Variants in IGLL5 observed in about 807,000 individuals in gnomAD.
IGLL5 encodes the protein immunoglobulin lambda like polypeptide 5.
In IGLL5, 30 loss-of-function variants were observed where a neutral mutation model predicts 20.9. The ratio of observed to expected loss-of-function variants is 1.44; its 90% CI spans 1.07 to 1.95. The LOEUF is 1.95. Ranked by LOEUF, IGLL5 falls within the 30% of genes most tolerant of loss-of-function variation. The pLI is 0.00. For missense variants in IGLL5, 475 were observed against 270.7 expected (o/e 1.75, Z -5.30); for synonymous variants, 203 against 117.3 (o/e 1.73, Z -4.72).
At position 22,895,890 on chromosome 22, in the gene IGLL5, C is replaced by A; in HGVS notation, c.*196C>A. On this transcript the variant is annotated 3_prime_UTR_variant, in exon 3 of 3. Transcript: ENST00000526893. Reference sequence around the variant, plus strand: ...AAATTGCTAGCCTCCCCGGGGTTCTCAGTGTGGGGTACAGGGAATTCTGCA... The same window carrying A: ...AAATTGCTAGCCTCCCCGGGGTTCTAAGTGTGGGGTACAGGGAATTCTGCA... 1 of 647,276 alleles carries A rather than the reference C, an allele frequency of 1.5e-6. No homozygotes were observed. 40.1% of individuals were successfully genotyped at this position (647,276 alleles called of 1,614,324 possible).
At position 22,887,898 on chromosome 22, in the gene IGLL5, G is replaced by A. The variant is rs192654179; in HGVS notation, c.-156G>A. The A allele has an allele frequency of 7.2e-6, 5 of 698,664 alleles. No homozygotes were observed. The highest frequency in any genetic ancestry group is 3.5e-5 in the African/African-American group (2 of 56,806). 43.3% of individuals were successfully genotyped at this position (698,664 alleles called of 1,614,324 possible). A position where few individuals can be genotyped will look rare whatever the true frequency, so the allele number is the denominator to read the frequency against. ...AGCCATGGACCCTGGAAGGGCCTGG[G>A]CTAGGGACAGGGACCAGAGCCAGTC... On this transcript the variant is annotated 5_prime_UTR_variant, in exon 1 of 3. Coordinates refer to ENST00000526893, the MANE Select transcript of IGLL5 (RefSeq NM_001178126.2).
chr22:22,888,773 C>T (rs2067644916), intron 1 of IGLL5, among the ~76,000 whole-genome samples: 1 of 151,280 alleles, frequency 6.6e-6, no homozygotes, highest in East Asian at 2.0e-4. Context: ...GGGCCAGGCT[C>T]AAGGACACAG....
Position 22,895,519 on chromosome 22 carries a change from T to A in IGLL5, c.470T>A (p.Val157Asp). 6.2e-7 allele frequency: 1 copy of A among 1,612,694 alleles called. No individual in the cohort carries two copies. Among genetic ancestry groups the A allele is most frequent in the Non-Finnish European group, 8.5e-7 (1 of 1,179,620 alleles). ...GCCTGGAAGGCAGATGGCAGCCCCG[T>A]CAAGGCGGGAGTGGAGACCACCAAA... ...TVAWKADGSP[V>D]KAGVETTKPS... Residue 157 changes from valine (V) to aspartate (D), a missense_variant, in exon 3 of 3, where the codon GTC becomes GAC. Coordinates refer to ENST00000526893, the MANE Select transcript of IGLL5 (RefSeq NM_001178126.2).
chr22:22,889,351 A>T (rs1159228719), intron 1 of IGLL5, among the ~76,000 whole-genome samples: 2 of 151,188 alleles, frequency 1.3e-5, no homozygotes, highest in African/African-American at 2.4e-5. Flanking sequence ...GGGCATTAAA[A>T]ATGTATAACC....
intron 1 of IGLL5, among the ~76,000 whole-genome samples, chr22:22,890,243 A>T (rs2146005393): frequency 6.7e-6 from 1 of 149,122 alleles, no homozygotes; most frequent in South Asian, 2.2e-4. Context: ...ACCTCTTCCC[A>T]GAGATAGCCA....
chr22:22,889,220 T>A (rs577378286), intron 1 of IGLL5, among the ~76,000 whole-genome samples: 1 of 150,694 alleles, frequency 6.6e-6, no homozygotes, highest in Non-Finnish European at 1.5e-5. Context: ...AGCCGTGCCT[T>A]GGGGATGGGG....
Position 22,895,858 on chromosome 22 carries a change from C to A in IGLL5, c.*164C>A. ...AATCTTGTTTTATCTCATTTTTTTT[C>A]TCACATAAATTGCTAGCCTCCCCGG... On this transcript the variant is annotated 3_prime_UTR_variant, in exon 3 of 3. Coordinates refer to ENST00000526893, the MANE Select transcript of IGLL5 (RefSeq NM_001178126.2). 1.3e-6 allele frequency: 1 copy of A among 751,120 alleles called. No homozygotes were observed. The highest frequency in any genetic ancestry group is 2.2e-6 in the Non-Finnish European group (1 of 446,636). The allele number at this position is 751,120 out of a possible 1,614,324, so 46.5% of individuals were successfully genotyped here.
intron 2 of IGLL5, 55 bp downstream of exon 2, chr22:22,893,873 A>C (rs906496202): frequency 6.5e-6 from 8 of 1,237,450 alleles, no homozygotes; most frequent in East Asian, 2.3e-5. Flanking sequence ...TCCCTGGAAA[A>C]TCTGTTTTCT....
rs752426551 is a variant in IGLL5, at chr22:22,895,607, G to A, written c.558G>A (p.Gln186=). Residue 186 remains glutamine (Q), a synonymous_variant, in exon 3 of 3, where the codon CAG becomes CAA. Transcript: ENST00000526893. ...ASSYLSLTPE[Q]WKSHRSYSCQ... ...GCTACCTGAGCCTGACGCCCGAGCAGTGGAAGTCCCACAGAAGCTACAGCT... is the reference window on the plus strand; with the variant it reads ...GCTACCTGAGCCTGACGCCCGAGCAATGGAAGTCCCACAGAAGCTACAGCT... 1 of 1,613,352 alleles carries A rather than the reference G, an allele frequency of 6.2e-7. No individual in the cohort carries two copies. Among genetic ancestry groups the A allele is most frequent in the Non-Finnish European group, 8.5e-7 (1 of 1,179,782 alleles).
chr22:22,894,806 T>TAGGTGG, intron 2 of IGLL5, among the ~76,000 whole-genome samples: 1 of 151,276 alleles, frequency 6.6e-6, no homozygotes, highest in East Asian at 2.0e-4. Flanking sequence ...GAGGCTTGTC[T>TAGGTGG]AGGTGGAGCC....
intron 2 of IGLL5, among the ~76,000 whole-genome samples, chr22:22,894,584 A>C (rs2066670860): frequency 6.6e-6 from 1 of 151,262 alleles, no homozygotes; most frequent in Admixed American, 6.6e-5. Flanking sequence ...GGCATGTTAG[A>C]CTCAGGAAAT....
intron 1 of IGLL5, among the ~76,000 whole-genome samples, chr22:22,888,793 G>C (rs550381358): frequency 2.6e-5 from 4 of 151,420 alleles, no homozygotes; most frequent in East Asian, 2.0e-4. Context: ...GGGAGGGTGG[G>C]ATGAACCGAG....
At chr22:22,894,219 A>T (rs1287590541) in intron 2 of IGLL5, among the ~76,000 whole-genome samples, 3 of 147,684 alleles carry the variant, frequency 2.0e-5, no homozygotes, top group South Asian at 2.2e-4. Context: ...CTCATAGTCT[A>T]GGGGAGCAGC....
In IGLL5 at chr22:22,888,448, A is replaced by G. The variant is rs181183757; in HGVS notation, c.206+189A>G. On this transcript the variant is annotated intron_variant, in intron 1 of 2. Coordinates refer to ENST00000526893, the MANE Select transcript of IGLL5 (RefSeq NM_001178126.2). ...ATTTGTTTGAATTACTGTTTTTAAT[A>G]TCATATTACGATATTATTTTTCTTG... 7.9e-5 allele frequency among the ~76,000 whole-genome samples: 12 copies of G among 151,380 alleles called. 1 individual carries two copies. The highest frequency in any genetic ancestry group is 6.1e-4 in the East Asian group (3 of 4,956).
chr22:22,893,790 CG>C lies in IGLL5; in HGVS notation c.299del (p.Gly100GlufsTer9). The C allele has an allele frequency of 6.2e-7, 1 of 1,612,122 alleles. No individual in the cohort carries two copies. Among genetic ancestry groups the C allele is most frequent in the Non-Finnish European group, 8.5e-7 (1 of 1,179,030 alleles). On this transcript the variant is annotated frameshift_variant, in exon 2 of 3. Coordinates refer to ENST00000526893, the MANE Select transcript of IGLL5 (RefSeq NM_001178126.2). LOFTEE classifies it high-confidence loss of function. The part of the protein sequence containing the change: ...SEPQSLCYVF[G>X]TGTKVTVLGQ... ...AGCCTCAGTCACTGTGTTATGTCTTCGGAACTGGGACCAAGGTCACCGTCCT... is the reference window on the plus strand; with the variant it reads ...AGCCTCAGTCACTGTGTTATGTCTTCGAACTGGGACCAAGGTCACCGTCCT...
intron 2 of IGLL5, among the ~76,000 whole-genome samples, chr22:22,894,426 G>C (rs1601626254): frequency 2.6e-5 from 4 of 151,456 alleles, no homozygotes; most frequent in South Asian, 2.1e-4. Flanking sequence ...GGTGAGACTG[G>C]GTGAGGTGCC....
chr22:22,893,920 T>C (rs1569086806), intron 2 of IGLL5, 102 bp downstream of exon 2: 13 of 843,252 alleles, frequency 1.5e-5, no homozygotes, highest in Middle Eastern at 2.2e-4. Flanking sequence ...CTCCCAGCCT[T>C]AAGCACTGAC....
In IGLL5 at chr22:22,888,239, C is replaced by T. The variant is rs554734650; in HGVS notation, c.186C>T (p.Ser62=). 1.4e-5 allele frequency: 22 copies of T among 1,547,764 alleles called. 1 individual carries two copies. The highest frequency in any genetic ancestry group is 5.9e-5 in the Admixed American group (3 of 50,758). ...PGASVGSSRS[S]LRSLWGRLLL... The stretch of plus-strand genomic sequence containing the variant: ...CCTCAGTTGGAAGCAGCCGATCCAG[C>T]CTGCGGAGCCTGTGGGGCAGGTAAG... The change falls in exon 1 of 3, where the codon AGC becomes AGT. Residue 62 remains serine, a synonymous_variant. Coordinates refer to ENST00000526893, the MANE Select transcript of IGLL5 (RefSeq NM_001178126.2).
chr22:22,888,730 T>C (rs550390377), intron 1 of IGLL5, among the ~76,000 whole-genome samples: 1 of 151,392 alleles, frequency 6.6e-6, no homozygotes, highest in African/African-American at 2.4e-5. Flanking sequence ...CCCAAGGCTG[T>C]CTGTTCACCA....
Sources: allele counts gnomAD v4.1 joint callset (sites outside exome capture counted in the v4.1 genomes callset), GRCh38; gene constraint gnomAD v4.1.1; transcripts MANE v1.5; gene names NCBI Gene and HGNC (gene_info 2026-07-23, HGNC 2026-07-21).